Variants in SGCZ observed in about 807,000 individuals in gnomAD.
SGCZ encodes the protein sarcoglycan zeta, also known as zeta-sarcoglycan.
Under a neutral mutation model 41.3 loss-of-function variants are expected in SGCZ, and 40 were observed. The ratio of observed to expected loss-of-function variants is 0.97; its 90% CI spans 0.75 to 1.26. The LOEUF (loss-of-function observed/expected upper bound fraction) is 1.26, where lower values mean the gene tolerates loss of function less well. SGCZ is among the 50% of genes most tolerant of loss of function. The pLI is 0.00. For synonymous variants in SGCZ, 206 were observed against 137.5 expected, an observed-to-expected ratio of 1.50 and a Z score of -3.49; for missense variants, 552 against 369.8, an observed-to-expected ratio of 1.49 and a Z score of -4.04.
At chr8:14,647,777 G>A (rs935938658) in intron 1 of SGCZ, among the ~76,000 whole-genome samples, 1 of 151,982 alleles carries the variant, frequency 6.6e-6, no homozygotes, top group Non-Finnish European at 1.5e-5. Flanking sequence ...CACTTCCTGT[G>A]TGGGCAATGA....
chr8:14,440,457 A>G (rs1800216857), intron 2 of SGCZ, among the ~76,000 whole-genome samples: 1 of 152,112 alleles, frequency 6.6e-6, no homozygotes, highest in Non-Finnish European at 1.5e-5. Context: ...GCCAGAACAC[A>G]ATGAAGTTTC....
chr8:14,442,148 T>C (rs942425776), intron 2 of SGCZ, among the ~76,000 whole-genome samples: 1 of 152,200 alleles, frequency 6.6e-6, no homozygotes, highest in African/African-American at 2.4e-5. Flanking sequence ...CCCCTTGATA[T>C]GGTTTGGCTG....
chr8:14,088,546 TTC>T lies in SGCZ; in HGVS notation c.*1895_*1896del, dbSNP rs1324418066. On this transcript the variant is annotated 3_prime_UTR_variant, in exon 8 of 8. Transcript: ENST00000382080. ...CCAATGTGAGATTTCTTATATTAAATTCTCTTATTTTAATATAAATTAAACTC... is the reference window on the plus strand; with the variant it reads ...CCAATGTGAGATTTCTTATATTAAATTCTTATTTTAATATAAATTAAACTC... 6.6e-6 allele frequency among the ~76,000 whole-genome samples: 1 copy of T among 151,854 alleles called. No homozygotes were observed. Among genetic ancestry groups the T allele is most frequent in the Non-Finnish European group, 1.5e-5 (1 of 67,832 alleles).
intron 2 of SGCZ, among the ~76,000 whole-genome samples, chr8:14,343,666 G>C (rs1268594671): frequency 6.6e-6 from 1 of 152,128 alleles, no homozygotes; most frequent in African/African-American, 2.4e-5. Flanking sequence ...GAGCCATAGA[G>C]GATTGTATCT....
intron 4 of SGCZ, among the ~76,000 whole-genome samples, chr8:14,205,669 A>G (rs1168415939): frequency 6.6e-6 from 1 of 152,098 alleles, no homozygotes. Context: ...TTTGTTTTTC[A>G]TCTAAGTTTC....
chr8:14,682,368 T>C (rs1253361425), intron 1 of SGCZ, among the ~76,000 whole-genome samples: 2 of 152,182 alleles, frequency 1.3e-5, no homozygotes, highest in Non-Finnish European at 1.5e-5. Flanking sequence ...GTACAGATTA[T>C]GTACCACTTT....
chr8:14,187,300 A>G (rs1342324848), intron 4 of SGCZ, among the ~76,000 whole-genome samples: 1 of 152,250 alleles, frequency 6.6e-6, no homozygotes, highest in Non-Finnish European at 1.5e-5. Context: ...CAACAAAATT[A>G]TGAGATAAAT....
intron 1 of SGCZ, among the ~76,000 whole-genome samples, chr8:14,801,237 CAG>C (rs1157694282): frequency 6.6e-6 from 1 of 152,030 alleles, no homozygotes; most frequent in Non-Finnish European, 1.5e-5. Flanking sequence ...AGAAGATAAA[CAG>C]AAATTATATG....
Position 14,088,384 on chromosome 8 carries a change from T to G in SGCZ, c.*2059A>C, listed in dbSNP as rs931539121. ...TTGACTTAGAAAGTTTCTAATTGTTTTAATGGAAGGATGATTAGAACTTGA... is the reference window on the plus strand; with the variant it reads ...TTGACTTAGAAAGTTTCTAATTGTTGTAATGGAAGGATGATTAGAACTTGA... On this transcript the variant is annotated 3_prime_UTR_variant, in exon 8 of 8. Coordinates refer to ENST00000382080, the MANE Select transcript of SGCZ (RefSeq NM_139167.4). Among the ~76,000 whole-genome samples the G allele has an allele frequency of 4.0e-5, 6 of 151,864 alleles. No homozygotes were observed. Among genetic ancestry groups the G allele is most frequent in the Non-Finnish European group, 5.9e-5 (4 of 67,842 alleles).
chr8:14,471,262 T>C (rs1563351143), intron 2 of SGCZ, among the ~76,000 whole-genome samples: 1 of 152,150 alleles, frequency 6.6e-6, no homozygotes, highest in Non-Finnish European at 1.5e-5. Flanking sequence ...TTGACTCATG[T>C]AGTGTACTCA....
At chr8:14,110,721 G>T (rs578208396) in intron 5 of SGCZ, among the ~76,000 whole-genome samples, 1 of 151,982 alleles carries the variant, frequency 6.6e-6, no homozygotes, top group South Asian at 2.1e-4. Flanking sequence ...GATGATAAAA[G>T]CCACCTGAAC....
At chr8:14,819,637 G>C (rs923736293) in intron 1 of SGCZ, among the ~76,000 whole-genome samples, 1 of 152,052 alleles carries the variant, frequency 6.6e-6, no homozygotes, top group African/African-American at 2.4e-5. Flanking sequence ...CAGTATGAAG[G>C]ATTAAAAATG....
At chr8:14,892,591 T>C (rs1805055143) in intron 1 of SGCZ, among the ~76,000 whole-genome samples, 1 of 152,140 alleles carries the variant, frequency 6.6e-6, no homozygotes, top group Admixed American at 6.5e-5. Context: ...ATTTGATATA[T>C]TAATACATCA....
At chr8:14,580,691 C>G (rs1007822726) in intron 1 of SGCZ, among the ~76,000 whole-genome samples, 2 of 152,130 alleles carry the variant, frequency 1.3e-5, no homozygotes, top group African/African-American at 4.8e-5. Context: ...TTTGGGAAAG[C>G]TTTTGGCAAA....
At chr8:14,978,470 CAAAAAAAAAAAAAAAAAAAAA>C (rs59543494) in intron 1 of SGCZ, among the ~76,000 whole-genome samples, 3 of 62,824 alleles carry the variant, frequency 4.8e-5, no homozygotes, top group Admixed American at 2.7e-4. Flanking sequence ...GACACCGTCA[CAAAAAAAAAAAAAAAAAAAAA>C]AAAAAAAAAA....
intron 2 of SGCZ, among the ~76,000 whole-genome samples, chr8:14,432,680 G>T (rs139455572): frequency 2.0e-5 from 3 of 152,110 alleles, no homozygotes; most frequent in African/African-American, 4.8e-5. Flanking sequence ...TTGGGAGGCT[G>T]AGGCGGGCCG....
intron 1 of SGCZ, among the ~76,000 whole-genome samples, chr8:14,830,269 T>G (rs1802481099): frequency 1.3e-5 from 2 of 152,082 alleles, no homozygotes. Context: ...TTTTTTTTTT[T>G]GGTTTGCCTT....
chr8:15,162,587 G>A (rs963965557), intron 1 of SGCZ, among the ~76,000 whole-genome samples: 1 of 152,122 alleles, frequency 6.6e-6, no homozygotes, highest in Admixed American at 6.5e-5. Flanking sequence ...CTTATCTTAT[G>A]GCATCGGCCT....
intron 2 of SGCZ, among the ~76,000 whole-genome samples, chr8:14,381,165 G>T (rs1386101367): frequency 2.0e-5 from 3 of 152,150 alleles, no homozygotes; most frequent in Non-Finnish European, 2.9e-5. Context: ...TAGATATATG[G>T]ATGGCTGTGT....
Sources: gnomAD v4.1 joint callset for allele counts (sites outside exome capture counted in the v4.1 genomes callset) on GRCh38, gnomAD v4.1.1 for gene constraint, MANE v1.5 for transcripts, NCBI Gene and HGNC (gene_info 2026-07-23, HGNC 2026-07-21) for gene names.